Variants in CERS6 observed in about 807,000 individuals in gnomAD.
CERS6 encodes the protein ceramide synthase 6.
CERS6 carries 26 observed loss-of-function variants against 56.8 expected under a neutral mutation model. The observed-to-expected ratio is 0.46, with a 90% CI of 0.34 to 0.63. The LOEUF is 0.63. CERS6 is among the 30% of genes least tolerant of loss of function. The pLI is 0.01. For missense variants in CERS6, 415 were observed against 467.5 expected (o/e 0.89, Z 1.04); for synonymous variants, 164 against 173.3 (o/e 0.95, Z 0.42).
chr2:168,654,494 G>A (rs556025213), intron 4 of CERS6, among the ~76,000 whole-genome samples: 64 of 152,266 alleles, frequency 4.2e-4, no homozygotes, highest in Non-Finnish European at 6.6e-4. Flanking sequence ...AGTGAGCCAA[G>A]ATCACACCAC....
chr2:168,590,925 TAGAG>T (rs1683655892), intron 3 of CERS6, among the ~76,000 whole-genome samples: 1 of 152,242 alleles, frequency 6.6e-6, no homozygotes, highest in African/African-American at 2.4e-5. Flanking sequence ...TCTCTACTTA[TAGAG>T]AGACAGGTGG....
intron 1 of CERS6, among the ~76,000 whole-genome samples, chr2:168,533,379 G>A (rs1198892637): frequency 1.3e-5 from 2 of 152,208 alleles, no homozygotes; most frequent in South Asian, 2.1e-4. Flanking sequence ...GACTGGAATA[G>A]TTTGGAATAG....
Position 168,607,831 on chromosome 2 carries a change from A to G in CERS6, c.408-23154A>G, listed in dbSNP as rs1304766084. ...AGCATACAAAGAGAAGAGAATTACA[A>G]AATACCCTCCCCATATGAAGGAGTT... is the stretch of plus-strand genomic sequence containing the variant. On this transcript the variant is annotated intron_variant, in intron 3 of 9. Coordinates refer to ENST00000305747, the MANE Select transcript of CERS6 (RefSeq NM_203463.3). 5.9e-5 allele frequency among the ~76,000 whole-genome samples: 9 copies of G among 152,366 alleles called. No individual in the cohort carries two copies. The East Asian group carries it at 1.7e-3, about 29-fold the overall frequency.
intron 3 of CERS6, among the ~76,000 whole-genome samples, chr2:168,601,337 T>C (rs1391445872): frequency 6.6e-6 from 1 of 152,200 alleles, no homozygotes; most frequent in East Asian, 1.9e-4. Context: ...CTCTCTGTGA[T>C]GTTAACTCAT....
intron 8 of CERS6, among the ~76,000 whole-genome samples, chr2:168,756,833 T>C (rs964347945): frequency 6.6e-6 from 1 of 152,146 alleles, no homozygotes; most frequent in African/African-American, 2.4e-5. Context: ...GGGAATGTTA[T>C]TTACATCCCT....
chr2:168,528,694 T>C (rs1396559598), intron 1 of CERS6, among the ~76,000 whole-genome samples: 1 of 152,184 alleles, frequency 6.6e-6, no homozygotes, highest in Admixed American at 6.5e-5. Context: ...GGATAGCATG[T>C]CAAATATGAG....
rs574780858 is a variant in CERS6 at position 168,712,924 on chromosome 2, G to A, written c.610-2077G>A. On this transcript the variant is annotated intron_variant, in intron 6 of 9. Transcript: ENST00000305747. ...TCTAGCCCCTCTGTGTACTATTATA[G>A]TCTATCTCCCCCAGCAACCAGGACT... Among the ~76,000 whole-genome samples the A allele has an allele frequency of 9.2e-5, 14 of 152,078 alleles. No homozygotes were observed. In the East Asian group the frequency reaches 1.5e-3, roughly 17 times the overall value.
intron 4 of CERS6, among the ~76,000 whole-genome samples, chr2:168,666,222 G>C (rs547315836): frequency 6.6e-6 from 1 of 152,080 alleles, no homozygotes; most frequent in Non-Finnish European, 1.5e-5. Context: ...ATATTCTATG[G>C]ATCTGGACAA....
At chr2:168,712,632 T>C (rs1042839767) in intron 6 of CERS6, among the ~76,000 whole-genome samples, 1 of 152,210 alleles carries the variant, frequency 6.6e-6, no homozygotes, top group African/African-American at 2.4e-5. Context: ...AATATCTTTT[T>C]AAATAGTGGT....
chr2:168,622,574 A>G (rs565691575), intron 3 of CERS6, among the ~76,000 whole-genome samples: 67 of 152,352 alleles, frequency 4.4e-4, no homozygotes, highest in African/African-American at 1.6e-3. Context: ...TGAATCAATG[A>G]TTTAATGAAG....
intron 1 of CERS6, among the ~76,000 whole-genome samples, chr2:168,546,060 C>T (rs1370053748): frequency 6.6e-6 from 1 of 152,164 alleles, no homozygotes. Flanking sequence ...TGATGAGGGG[C>T]AAATAACCAC....
At position 168,639,068 on chromosome 2, in the gene CERS6, C is replaced by T. The variant is rs552825209; in HGVS notation, c.465+8026C>T. On this transcript the variant is annotated intron_variant, in intron 4 of 9. Coordinates refer to ENST00000305747, the MANE Select transcript of CERS6 (RefSeq NM_203463.3). ...AAAAAAAAAGAACGCATGTCAGAGT[C>T]TACCAAAATAACACTCACTTAAATA... 7.2e-5 allele frequency among the ~76,000 whole-genome samples: 11 copies of T among 152,266 alleles called. No homozygotes were observed. The East Asian group carries it at 2.1e-3, about 29-fold the overall frequency.
chr2:168,746,643 A>C (rs1684103256), intron 8 of CERS6, among the ~76,000 whole-genome samples: 1 of 151,362 alleles, frequency 6.6e-6, no homozygotes, highest in African/African-American at 2.4e-5. Flanking sequence ...TTAAATTCTG[A>C]GTTTTATCCC....
At chr2:168,487,826 T>C (rs969786716) in intron 1 of CERS6, among the ~76,000 whole-genome samples, 3 of 152,158 alleles carry the variant, frequency 2.0e-5, no homozygotes, top group Non-Finnish European at 2.9e-5. Context: ...GTTCAACCAG[T>C]CCTCCTGCCT....
At chr2:168,503,650 G>A (rs1694623723) in intron 1 of CERS6, among the ~76,000 whole-genome samples, 1 of 152,146 alleles carries the variant, frequency 6.6e-6, no homozygotes, top group African/African-American at 2.4e-5. Flanking sequence ...GCTGCTTGCT[G>A]TTCCTGTGGG....
chr2:168,716,163 A>G (rs1301368839), intron 7 of CERS6, among the ~76,000 whole-genome samples: 1 of 152,162 alleles, frequency 6.6e-6, no homozygotes, highest in African/African-American at 2.4e-5. Flanking sequence ...ACAGAAAAAT[A>G]GTCCTAATGG....
chr2:168,647,394 A>G (rs1010943602), intron 4 of CERS6, among the ~76,000 whole-genome samples: 24 of 152,142 alleles, frequency 1.6e-4, no homozygotes, highest in African/African-American at 5.8e-4. Flanking sequence ...TTCTGAAGTT[A>G]TCAGCTGAAA....
intron 1 of CERS6, among the ~76,000 whole-genome samples, chr2:168,545,149 A>AT (rs762310352): frequency 2.0e-5 from 3 of 151,994 alleles, no homozygotes; most frequent in African/African-American, 4.8e-5. Flanking sequence ...GTAGAAACAC[A>AT]TACATGTATT....
At chr2:168,564,895 G>A (rs1201878145) in intron 3 of CERS6, among the ~76,000 whole-genome samples, 1 of 152,146 alleles carries the variant, frequency 6.6e-6, no homozygotes, top group African/African-American at 2.4e-5. Flanking sequence ...AGACCACAGG[G>A]TCACATCTTG....
Sources: gnomAD v4.1 joint callset for allele counts (sites outside exome capture counted in the v4.1 genomes callset) on GRCh38, gnomAD v4.1.1 for gene constraint, MANE v1.5 for transcripts, NCBI Gene and HGNC (gene_info 2026-07-23, HGNC 2026-07-21) for gene names.